Variants in KDM2B observed in about 807,000 individuals in gnomAD.
KDM2B encodes the protein lysine demethylase 2B, also known as lysine-specific demethylase 2B.
KDM2B carries 26 observed loss-of-function variants against 150.0 expected under a neutral mutation model. That is an observed-to-expected ratio of 0.17 (90% CI 0.13 to 0.24). KDM2B has a LOEUF of 0.24. KDM2B is among the 10% of genes least tolerant of loss of function. The probability of loss-of-function intolerance (pLI) is 1.00; values close to 1 mark genes in which losing one functional copy is unlikely to be tolerated. For missense variants in KDM2B, 1,265 were observed against 1,816.9 expected, an observed-to-expected ratio of 0.70 and a Z score of 5.52; for synonymous variants, 734 against 729.5, an observed-to-expected ratio of 1.01 and a Z score of -0.10.
At chr12:121,482,279 C>T (rs1882240076) in intron 12 of KDM2B, among the ~76,000 whole-genome samples, 1 of 152,008 alleles carries the variant, frequency 6.6e-6, no homozygotes, top group Non-Finnish European at 1.5e-5. Context: ...AAAGGGGATG[C>T]CTAAATTTGT....
At chr12:121,478,325 C>T (rs117345493) in intron 12 of KDM2B, among the ~76,000 whole-genome samples, 356 of 151,138 alleles carry the variant, frequency 2.4e-3, no homozygotes, top group Middle Eastern at 0.014. Context: ...TTTTGATCCT[C>T]GCCCTCTCCT....
At position 121,509,666 on chromosome 12, in the gene KDM2B, G is replaced by T; in HGVS notation, c.1548C>A (p.Gly516=). The T allele has an allele frequency of 1.2e-6, 2 of 1,614,024 alleles. No individual in the cohort carries two copies. Residue 516 remains glycine, a synonymous_variant, in exon 11 of 23, where the codon GGC becomes GGA. Coordinates refer to ENST00000377071, the MANE Select transcript of KDM2B (RefSeq NM_032590.5). Reference sequence around the variant, plus strand: ...CCAGTTTCTCCACCAGAGCTTTCAGGCCCTTCAGTTCAAACTCAGTGAGAT... The same window carrying T: ...CCAGTTTCTCCACCAGAGCTTTCAGTCCCTTCAGTTCAAACTCAGTGAGAT... ...WTHLTEFELK[G]LKALVEKLES...
At chr12:121,528,879 G>A (rs1177793714) in intron 8 of KDM2B, among the ~76,000 whole-genome samples, 2 of 152,200 alleles carry the variant, frequency 1.3e-5, no homozygotes, top group African/African-American at 4.8e-5. Flanking sequence ...GGTAACAAGA[G>A]TGAAACTCTG....
chr12:121,409,777 G>C, the KDM2B span: 1 of 152,232 alleles, frequency 6.6e-6, no homozygotes, highest in African/African-American at 2.4e-5. Context: ...CAGCTACGAA[G>C]GTACAGGACT....
the KDM2B span, among the ~76,000 whole-genome samples, chr12:121,411,388 G>A: frequency 1.3e-5 from 2 of 152,128 alleles, no homozygotes; most frequent in African/African-American, 4.8e-5. Flanking sequence ...GAATCCATCT[G>A]TTTTCCCAAA....
At position 121,533,068 on chromosome 12, in the gene KDM2B, G is replaced by A; in HGVS notation, c.778-109C>T. On this transcript the variant is annotated intron_variant, in intron 7 of 22. Coordinates refer to ENST00000377071, the MANE Select transcript of KDM2B (RefSeq NM_032590.5). This position sits in a 1 kb window ranked among gnomAD's most constrained non-coding sequence, Gnocchi z 4.1. Reference sequence around the variant, plus strand: ...GGAGGGGGCGAGACAAGCTGTGTGTGGGGTGGGGGGTGTGGAGAGATGGCA... The same window carrying A: ...GGAGGGGGCGAGACAAGCTGTGTGTAGGGTGGGGGGTGTGGAGAGATGGCA... 1.9e-6 allele frequency: 2 copies of A among 1,070,408 alleles called. No individual in the cohort carries two copies. The highest frequency in any genetic ancestry group is 1.6e-5 in the African/African-American group (1 of 64,274). 66.3% of individuals were successfully genotyped at this position (1,070,408 alleles called of 1,614,324 possible). A position where few individuals can be genotyped will look rare whatever the true frequency, so the allele number is the denominator to read the frequency against.
Position 121,429,979 on chromosome 12 carries a change from G to T in KDM2B, c.*309C>A. On this transcript the variant is annotated 3_prime_UTR_variant, in exon 23 of 23. Transcript: ENST00000377071. ...CACTACCACTAACAGAAACTCCTAA[G>T]CTCATGCTTCAGTATGAGAATTTCT... 1 of 791,514 alleles carries T rather than the reference G, an allele frequency of 1.3e-6. No homozygotes were observed. The highest frequency in any genetic ancestry group is 1.5e-5 in the South Asian group (1 of 66,570). 49.0% of individuals were successfully genotyped at this position (791,514 alleles called of 1,614,324 possible). A position where few individuals can be genotyped will look rare whatever the true frequency, so the allele number is the denominator to read the frequency against.
chr12:121,508,028 T>G (rs1308976052), intron 11 of KDM2B, among the ~76,000 whole-genome samples: 1 of 152,036 alleles, frequency 6.6e-6, no homozygotes, highest in Non-Finnish European at 1.5e-5. Context: ...GGTAAAAAAA[T>G]AAAGTAAAAA....
Position 121,486,333 on chromosome 12 carries a change from C to CTTTT in KDM2B, c.1734+8242_1734+8245dup, listed in dbSNP as rs71079073. ...TGTTGATCAGGCTGGTTTCGAACTC[C>CTTTT]TTTTTTTTTTTTTTTTTTTTTTTTT... On this transcript the variant is annotated intron_variant, in intron 12 of 22. Coordinates refer to ENST00000377071, the MANE Select transcript of KDM2B (RefSeq NM_032590.5). 2.4e-3 allele frequency among the ~76,000 whole-genome samples: 140 copies of CTTTT among 59,018 alleles called. 27 individuals carry two copies. Among genetic ancestry groups the CTTTT allele is most frequent in the African/African-American group, 4.8e-3 (61 of 12,760 alleles). The allele number at this position is 59,018 out of a possible 152,430, so 38.7% of individuals were successfully genotyped here.
At chr12:121,487,797 T>C (rs1882926405) in intron 12 of KDM2B, among the ~76,000 whole-genome samples, 2 of 150,256 alleles carry the variant, frequency 1.3e-5, no homozygotes, top group African/African-American at 4.9e-5. Flanking sequence ...CAGCTTCTTT[T>C]TTTTTTTTTT....
At position 121,520,924 on chromosome 12, in the gene KDM2B, C is replaced by A; in HGVS notation, c.1047+61G>T. ...CTTCAGTATGACCTGTCCCACACACCGAGCACCGGCAGAGCTCAGGGGCCA... is the reference window on the plus strand; with the variant it reads ...CTTCAGTATGACCTGTCCCACACACAGAGCACCGGCAGAGCTCAGGGGCCA... On this transcript the variant is annotated intron_variant, in intron 9 of 22. Coordinates refer to ENST00000377071, the MANE Select transcript of KDM2B (RefSeq NM_032590.5). This position sits in a 1 kb window ranked among gnomAD's most constrained non-coding sequence, Gnocchi z 4.5. 1 of 1,292,876 alleles carries A rather than the reference C, an allele frequency of 7.7e-7. No homozygotes were observed. The highest frequency in any genetic ancestry group is 1.1e-6 in the Non-Finnish European group (1 of 892,798). 80.1% of individuals were successfully genotyped at this position (1,292,876 alleles called of 1,614,324 possible).
chr12:121,521,130 G>T lies in KDM2B; in HGVS notation c.932-30C>A. The stretch of plus-strand genomic sequence containing the variant: ...GGTGGGAAGGGCAAGGAGAGGATGA[G>T]CCGCTGGCCCCTGTGGGCTCCCACA... On this transcript the variant is annotated intron_variant, in intron 8 of 22. Coordinates refer to ENST00000377071, the MANE Select transcript of KDM2B (RefSeq NM_032590.5). The surrounding 1 kb of genome is among the most constrained non-coding windows in gnomAD (Gnocchi z 4.9). 6.6e-7 allele frequency: 1 copy of T among 1,515,660 alleles called. No homozygotes were observed. Among genetic ancestry groups the T allele is most frequent in the South Asian group, 1.1e-5 (1 of 89,122 alleles). The allele number at this position is 1,515,660 out of a possible 1,614,324, so 93.9% of individuals were successfully genotyped here.
In KDM2B at chr12:121,429,449, G is replaced by A. The variant is rs1555284857; in HGVS notation, c.*839C>T. ...TGTAAGTACAAGAGCTCATGCTGGA[G>A]CAGAACCTCCTGAGTGCAAAGGCTG... On this transcript the variant is annotated 3_prime_UTR_variant, in exon 23 of 23. Transcript: ENST00000377071. 1.3e-5 allele frequency: 2 copies of A among 154,580 alleles called. No homozygotes were observed. The highest frequency in any genetic ancestry group is 4.8e-5 in the African/African-American group (2 of 41,470). 9.6% of individuals were successfully genotyped at this position (154,580 alleles called of 1,614,324 possible).
chr12:121,458,501 A>T (rs1268995924), intron 12 of KDM2B, among the ~76,000 whole-genome samples: 2 of 151,252 alleles, frequency 1.3e-5, no homozygotes, highest in East Asian at 2.0e-4. Context: ...AAACAATCTT[A>T]AAAAAATAGG....
Position 121,564,939 on chromosome 12 carries a change from C to T in KDM2B, c.397+9608G>A, listed in dbSNP as rs540009241. Among the ~76,000 whole-genome samples the T allele has an allele frequency of 4.6e-5, 7 of 152,170 alleles. No homozygotes were observed. The South Asian group carries it at 1.5e-3, about 32-fold the overall frequency. ...CGCCTCTGGGGTTCAAGCAATTCTC[C>T]TGCCTCAGCTGGATAGGAGAGTAGC... On this transcript the variant is annotated intron_variant, in intron 4 of 22. Transcript: ENST00000377071.
Position 121,558,397 on chromosome 12 carries a change from C to T in KDM2B, c.398-8759G>A, listed in dbSNP as rs114659666. ...GGTCCTGAGCAGCCCTGGGACAGCACGGCTCAACACAGAAGGACAGACATG... is the reference window on the plus strand; with the variant it reads ...GGTCCTGAGCAGCCCTGGGACAGCATGGCTCAACACAGAAGGACAGACATG... On this transcript the variant is annotated intron_variant, in intron 4 of 22. Coordinates refer to ENST00000377071, the MANE Select transcript of KDM2B (RefSeq NM_032590.5). Among the ~76,000 whole-genome samples, 759 of 151,768 alleles carry T rather than the reference C, an allele frequency of 5.0e-3. 6 individuals are homozygous for T. The highest frequency in any genetic ancestry group is 0.017 in the African/African-American group (707 of 41,370).
chr12:121,425,564 C>T (rs1248518440), downstream of KDM2B, among the ~76,000 whole-genome samples: 1 of 147,292 alleles, frequency 6.8e-6, no homozygotes, highest in East Asian at 2.0e-4. Flanking sequence ...GGCAGATGCC[C>T]CTGTGCTTTG....
the KDM2B span, chr12:121,423,656 T>C: frequency 2.2e-5 from 27 of 1,205,578 alleles, no homozygotes; most frequent in Non-Finnish European, 2.7e-5. This position sits in a 1 kb window ranked among gnomAD's most constrained non-coding sequence, Gnocchi z 4.3. Flanking sequence ...TGGAAAGTTA[T>C]GTTCAAAGGC....
At chr12:121,415,104 AAAAG>A in the KDM2B span, among the ~76,000 whole-genome samples, 1 of 152,216 alleles carries the variant, frequency 6.6e-6, no homozygotes, top group East Asian at 1.9e-4. Context: ...CTCAAGAAAA[AAAAG>A]AATTTGGAAA....
Sources: allele counts gnomAD v4.1 joint callset (sites outside exome capture counted in the v4.1 genomes callset), GRCh38; gene constraint gnomAD v4.1.1; non-coding constraint Gnocchi (gnomAD v3.1); transcripts MANE v1.5; gene names NCBI Gene and HGNC (gene_info 2026-07-23, HGNC 2026-07-21).